Variants in NFIL3 observed in about 807,000 individuals in gnomAD.
NFIL3 encodes the protein nuclear factor, interleukin 3 regulated.
In NFIL3, 5 loss-of-function variants were observed where a neutral mutation model predicts 10.0. That is an observed-to-expected ratio of 0.50 (90% CI 0.26 to 1.06). NFIL3 has a LOEUF of 1.06. NFIL3 is among the 50% of genes least tolerant of loss of function. NFIL3 has a pLI of 0.13. For missense variants in NFIL3, 436 were observed against 547.6 expected (o/e 0.80, Z 2.03); for synonymous variants, 202 against 206.5 (o/e 0.98, Z 0.19).
intron 1 of NFIL3, among the ~76,000 whole-genome samples, chr9:91,419,806 T>C (rs1474188207): frequency 6.6e-6 from 1 of 152,240 alleles, no homozygotes; most frequent in Admixed American, 6.5e-5. Context: ...TGCTCGTGAC[T>C]CTTACTGAAG....
chr9:91,461,636 C>T, the NFIL3 span, among the ~76,000 whole-genome samples: 26 of 152,188 alleles, frequency 1.7e-4, no homozygotes, highest in Non-Finnish European at 2.6e-4. Flanking sequence ...CTTATGGCCG[C>T]GTCTCTCCAA....
At chr9:91,473,157 C>CG in the NFIL3 span, among the ~76,000 whole-genome samples, 1 of 152,164 alleles carries the variant, frequency 6.6e-6, no homozygotes, top group Non-Finnish European at 1.5e-5. Flanking sequence ...TTAGGCTACA[C>CG]GGGGGTCAGG....
At chr9:91,464,098 A>G in the NFIL3 span, among the ~76,000 whole-genome samples, 2 of 151,994 alleles carry the variant, frequency 1.3e-5, no homozygotes, top group Non-Finnish European at 2.9e-5. Context: ...CCTCACCAAA[A>G]ATTTCTGTCT....
At chr9:91,420,163 T>C (rs1175870696) in intron 1 of NFIL3, among the ~76,000 whole-genome samples, 2 of 152,120 alleles carry the variant, frequency 1.3e-5, no homozygotes, top group Admixed American at 1.3e-4. Flanking sequence ...CTTGGGAAGT[T>C]TGAGGTTCTG....
chr9:91,468,240 G>A, the NFIL3 span, among the ~76,000 whole-genome samples: 1 of 152,240 alleles, frequency 6.6e-6, no homozygotes, highest in Non-Finnish European at 1.5e-5. Context: ...TAACTGGCGT[G>A]AGATGGTATC....
the NFIL3 span, among the ~76,000 whole-genome samples, chr9:91,446,703 CATACAAT>C: frequency 6.6e-6 from 1 of 152,160 alleles, no homozygotes; most frequent in African/African-American, 2.4e-5. Context: ...TTAGTGGAAT[CATACAAT>C]ATACGTGCTC....
At chr9:91,471,447 G>A in the NFIL3 span, among the ~76,000 whole-genome samples, 2 of 147,928 alleles carry the variant, frequency 1.4e-5, no homozygotes, top group African/African-American at 5.0e-5. Flanking sequence ...ACAGCACACT[G>A]ATGGGTCTTG....
At chr9:91,432,210 T>C in the NFIL3 span, among the ~76,000 whole-genome samples, 1 of 152,198 alleles carries the variant, frequency 6.6e-6, no homozygotes, top group African/African-American at 2.4e-5. Flanking sequence ...ATGGAACCAG[T>C]AGATAAATAC....
chr9:91,462,731 C>T, the NFIL3 span, among the ~76,000 whole-genome samples: 17 of 146,180 alleles, frequency 1.2e-4, no homozygotes, highest in African/African-American at 4.3e-4. Context: ...AAAGTGCCCT[C>T]TGTGCTTCTA....
At chr9:91,447,433 A>G in the NFIL3 span, among the ~76,000 whole-genome samples, 1 of 152,176 alleles carries the variant, frequency 6.6e-6, no homozygotes, top group African/African-American at 2.4e-5. Flanking sequence ...GAGCTGCACC[A>G]TTTTATATTT....
chr9:91,466,500 C>T, the NFIL3 span, among the ~76,000 whole-genome samples: 1 of 152,142 alleles, frequency 6.6e-6, no homozygotes, highest in Non-Finnish European at 1.5e-5. Flanking sequence ...TGTATAATGT[C>T]TTTGTTTTCT....
the NFIL3 span, among the ~76,000 whole-genome samples, chr9:91,477,352 C>T: frequency 2.0e-5 from 3 of 152,174 alleles, no homozygotes; most frequent in African/African-American, 7.2e-5. Flanking sequence ...CTTCTCTCTG[C>T]AGCTGCAGAA....
chr9:91,470,002 G>T, the NFIL3 span, among the ~76,000 whole-genome samples: 11 of 151,736 alleles, frequency 7.2e-5, no homozygotes, highest in Admixed American at 3.9e-4. Flanking sequence ...CTTTTTTTGT[G>T]GTGTCTCTGC....
chr9:91,461,147 C>A, the NFIL3 span, among the ~76,000 whole-genome samples: 2 of 152,156 alleles, frequency 1.3e-5, no homozygotes, highest in Non-Finnish European at 2.9e-5. Context: ...TGGTGAAGAA[C>A]TTGTTAAGCT....
chr9:91,478,764 C>G, the NFIL3 span, among the ~76,000 whole-genome samples: 1 of 152,056 alleles, frequency 6.6e-6, no homozygotes, highest in African/African-American at 2.4e-5. Context: ...ACTGTTTTTT[C>G]CTGATCTTCA....
chr9:91,427,817 T>G (rs1486395024), upstream of NFIL3, among the ~76,000 whole-genome samples: 1 of 151,284 alleles, frequency 6.6e-6, no homozygotes, highest in African/African-American at 2.4e-5. Flanking sequence ...ATTTTTTAAT[T>G]TTTTTTTTGT....
chr9:91,431,215 GC>G, the NFIL3 span, among the ~76,000 whole-genome samples: 1 of 152,190 alleles, frequency 6.6e-6, no homozygotes, highest in East Asian at 1.9e-4. Flanking sequence ...TGTTTTAAAT[GC>G]TTTTTTTCCC....
upstream of NFIL3, among the ~76,000 whole-genome samples, chr9:91,425,994 TC>T (rs1253518075): frequency 6.6e-6 from 1 of 152,190 alleles, no homozygotes. Flanking sequence ...TTGAATAATT[TC>T]ATGGAATTTC....
chr9:91,438,898 T>A, the NFIL3 span, among the ~76,000 whole-genome samples: 7 of 152,310 alleles, frequency 4.6e-5, no homozygotes, highest in African/African-American at 1.7e-4. Context: ...TATGGGTTTA[T>A]TCCAATACAG....
Sources: gnomAD v4.1 joint callset for allele counts (sites outside exome capture counted in the v4.1 genomes callset) on GRCh38, gnomAD v4.1.1 for gene constraint, MANE v1.5 for transcripts, NCBI Gene and HGNC (gene_info 2026-07-23, HGNC 2026-07-21) for gene names.